Variants in INSC observed in about 807,000 individuals in gnomAD.
INSC encodes the protein protein inscuteable homolog.
A neutral mutation model predicts 58.6 loss-of-function variants in INSC; 67 were observed. The observed-to-expected ratio is 1.14, with a 90% CI of 0.94 to 1.40. The LOEUF is 1.40. Ranked by LOEUF, INSC falls within the 40% of genes most tolerant of loss-of-function variation. The pLI is 0.00. For synonymous variants in INSC, 262 were observed against 276.1 expected (o/e 0.95, Z 0.51); for missense variants, 714 against 692.0 (o/e 1.03, Z -0.36).
chr11:15,141,741 G>A (rs1265798470), intron 1 of INSC, among the ~76,000 whole-genome samples: 4 of 152,116 alleles, frequency 2.6e-5, no homozygotes, highest in Non-Finnish European at 5.9e-5. Context: ...GAGGTCCAGA[G>A]TAGGGTGGGG....
chr11:15,151,843 C>G (rs1418314050), intron 2 of INSC, among the ~76,000 whole-genome samples: 1 of 152,114 alleles, frequency 6.6e-6, no homozygotes, highest in Admixed American at 6.5e-5. Context: ...TCCAGATGTC[C>G]CCTTCCTTCC....
intron 7 of INSC, among the ~76,000 whole-genome samples, chr11:15,212,431 C>A (rs1281615910): frequency 6.6e-6 from 1 of 152,038 alleles, no homozygotes; most frequent in Non-Finnish European, 1.5e-5. Flanking sequence ...CTGGGCCCTG[C>A]CGTGAGCCAC....
Position 15,196,260 on chromosome 11 carries a change from C to T in INSC, c.694-4564C>T, listed in dbSNP as rs145140516. Among the ~76,000 whole-genome samples the T allele has an allele frequency of 3.3e-5, 5 of 152,350 alleles. No individual in the cohort carries two copies. The East Asian group carries it at 7.7e-4, about 23-fold the overall frequency. On this transcript the variant is annotated intron_variant, in intron 6 of 12. Transcript: ENST00000379556. ...GCTTCCTATGTGTGCAGGCCCTGTG[C>T]AGGGACTTTCACACTGTTGTATCTT...
At chr11:15,231,501 G>A (rs1186670772) in intron 9 of INSC, among the ~76,000 whole-genome samples, 1 of 152,244 alleles carries the variant, frequency 6.6e-6, no homozygotes, top group Non-Finnish European at 1.5e-5. Flanking sequence ...GTGGCCTGTA[G>A]GTCATGGGTT....
chr11:15,263,743 G>A, the INSC span, among the ~76,000 whole-genome samples: 1 of 152,098 alleles, frequency 6.6e-6, no homozygotes, highest in Non-Finnish European at 1.5e-5. Flanking sequence ...CTGTCAGCCA[G>A]CTGGGCTCTT....
At chr11:15,256,491 A>AT in the INSC span, among the ~76,000 whole-genome samples, 113 of 142,002 alleles carry the variant, frequency 8.0e-4, 1 homozygote, top group South Asian at 2.5e-3. Flanking sequence ...ATTTCATTTC[A>AT]TTTTTTTTTT....
At chr11:15,241,993 T>C (rs1453767625) in intron 12 of INSC, among the ~76,000 whole-genome samples, 1 of 152,230 alleles carries the variant, frequency 6.6e-6, no homozygotes, top group African/African-American at 2.4e-5. Context: ...ATGCCATGGT[T>C]TGTTGCTGCA....
chr11:15,169,143 G>T (rs1179567034), intron 2 of INSC, among the ~76,000 whole-genome samples: 1 of 152,010 alleles, frequency 6.6e-6, no homozygotes, highest in East Asian at 1.9e-4. Context: ...CTGTTAAGGT[G>T]GTTAAGGAAG....
intron 2 of INSC, among the ~76,000 whole-genome samples, chr11:15,174,039 A>C (rs1457480942): frequency 1.3e-5 from 2 of 152,134 alleles, no homozygotes; most frequent in African/African-American, 2.4e-5. Flanking sequence ...ACCTTGTCCA[A>C]CACAGCCCCA....
chr11:15,190,784 G>A lies in INSC; in HGVS notation c.663G>A (p.Glu221=), dbSNP rs763681856. 6.2e-7 allele frequency: 1 copy of A among 1,613,824 alleles called. No individual in the cohort carries two copies. The highest frequency in any genetic ancestry group is 1.7e-5 in the Admixed American group (1 of 60,022). ...TTGNLFSLTQ[E]GAPLCRIIAK... is the part of the protein sequence containing the mutation. ...GGAACCTGTTCAGCCTGACCCAGGA[G>A]GGGGCTCCCTTGTGCCGCATCATAG... Residue 221 remains glutamate (E), a synonymous_variant, in exon 6 of 13, where the codon GAG becomes GAA. Coordinates refer to ENST00000379556, the MANE Select transcript of INSC (RefSeq NM_001042536.3).
chr11:15,188,299 A>G (rs1041334517), intron 5 of INSC: 25 of 985,372 alleles, frequency 2.5e-5, no homozygotes, highest in Non-Finnish European at 3.0e-5. Flanking sequence ...GCTGGACAAC[A>G]GCCTTGCCTT....
chr11:15,119,014 T>C (rs1025375688), intron 1 of INSC, among the ~76,000 whole-genome samples: 2 of 152,200 alleles, frequency 1.3e-5, no homozygotes, highest in African/African-American at 4.8e-5. Flanking sequence ...CCTTTCCAGA[T>C]CTGTCTAACT....
chr11:15,169,067 C>A (rs1849300573), intron 2 of INSC, among the ~76,000 whole-genome samples: 1 of 152,110 alleles, frequency 6.6e-6, no homozygotes, highest in African/African-American at 2.4e-5. Flanking sequence ...GGATACATCC[C>A]CCTTATGCTC....
chr11:15,245,145 A>G (rs2133988642), intron 12 of INSC, among the ~76,000 whole-genome samples: 1 of 152,276 alleles, frequency 6.6e-6, no homozygotes, highest in Middle Eastern at 3.4e-3. Flanking sequence ...AGTTATGGCC[A>G]AGTGTGAGAA....
intron 1 of INSC, among the ~76,000 whole-genome samples, chr11:15,143,166 G>A (rs1176912016): frequency 6.6e-6 from 1 of 152,178 alleles, no homozygotes; most frequent in African/African-American, 2.4e-5. Flanking sequence ...CCACCTTCGG[G>A]GGAGAAAGAC....
chr11:15,267,590 CT>C, the INSC span, among the ~76,000 whole-genome samples: 1 of 151,944 alleles, frequency 6.6e-6, no homozygotes, highest in East Asian at 1.9e-4. Flanking sequence ...CAATTTGGGT[CT>C]TTTAAAAATA....
intron 6 of INSC, 75 bp downstream of exon 6, chr11:15,190,889 G>C (rs1564894193): frequency 1.0e-6 from 1 of 985,462 alleles, no homozygotes; most frequent in Non-Finnish European, 1.6e-6. Context: ...AATGGGAATA[G>C]CTGGCTCACG....
intron 1 of INSC, among the ~76,000 whole-genome samples, chr11:15,146,468 C>T (rs1315110080): frequency 6.6e-6 from 1 of 152,188 alleles, no homozygotes; most frequent in African/African-American, 2.4e-5. Context: ...TCCCCAGCCT[C>T]TGGGAACACA....
At chr11:15,111,455 T>C (rs1847576543), upstream of INSC, among the ~76,000 whole-genome samples, 1 of 152,212 alleles carries the variant, frequency 6.6e-6, no homozygotes, top group Non-Finnish European at 1.5e-5. Context: ...CTGGTGGATC[T>C]GGGATAGGCC....
Sources: allele counts gnomAD v4.1 joint callset (sites outside exome capture counted in the v4.1 genomes callset), GRCh38; gene constraint gnomAD v4.1.1; transcripts MANE v1.5; gene names NCBI Gene and HGNC (gene_info 2026-07-23, HGNC 2026-07-21).